The following SYN3 variants were observed in gnomAD, a reference collection of about 807,000 sequenced individuals.
SYN3 encodes the protein synapsin III, also known as synapsin-3.
In SYN3, 35 loss-of-function variants were observed where a neutral mutation model predicts 65.8. That is an observed-to-expected ratio of 0.53 (90% confidence interval 0.41 to 0.70). The LOEUF (loss-of-function observed/expected upper bound fraction) is 0.70. SYN3 is among the 30% of genes least tolerant of loss of function. SYN3 has a pLI of 0.00. For missense variants in SYN3, 680 were observed against 749.0 expected (o/e 0.91, Z 1.08); for synonymous variants, 270 against 292.9 (o/e 0.92, Z 0.80).
chr22:32,780,444 C>T (rs2046013370), intron 6 of SYN3, among the ~76,000 whole-genome samples: 2 of 152,152 alleles, frequency 1.3e-5, no homozygotes, highest in South Asian at 4.1e-4. Flanking sequence ...GCTCTGGTTT[C>T]CTTTTCGCAT....
intron 4 of SYN3, among the ~76,000 whole-genome samples, chr22:32,882,622 A>G (rs1039482314): frequency 6.6e-6 from 1 of 152,236 alleles, no homozygotes; most frequent in Non-Finnish European, 1.5e-5. Context: ...AGATGCAAGT[A>G]GCCTGGCTCC....
intron 2 of SYN3, among the ~76,000 whole-genome samples, chr22:32,997,327 C>T (rs951143846): frequency 1.3e-5 from 2 of 152,188 alleles, no homozygotes; most frequent in Non-Finnish European, 2.9e-5. Context: ...GACACGACCC[C>T]ATCCTCAAAG....
chr22:33,058,251 G>A (rs1411699942), intron 1 of SYN3, 41 bp downstream of exon 1: 1 of 152,104 alleles, frequency 6.6e-6, no homozygotes, highest in Non-Finnish European at 1.5e-5. Flanking sequence ...CCGGCTGTCA[G>A]AAACCCCACA....
intron 6 of SYN3, among the ~76,000 whole-genome samples, chr22:32,746,153 G>A (rs909835531): frequency 3.3e-5 from 5 of 152,178 alleles, no homozygotes; most frequent in South Asian, 2.1e-4. Flanking sequence ...AGGACTGAGC[G>A]GGTTGCAGGA....
At chr22:33,042,718 C>T (rs1162265810) in intron 1 of SYN3, among the ~76,000 whole-genome samples, 2 of 152,262 alleles carry the variant, frequency 1.3e-5, no homozygotes, top group East Asian at 3.9e-4. Flanking sequence ...ATCCGACGAT[C>T]CTGGAGCCCC....
chr22:32,873,471 T>A (rs2048904737), intron 4 of SYN3, among the ~76,000 whole-genome samples: 1 of 152,188 alleles, frequency 6.6e-6, no homozygotes, highest in Non-Finnish European at 1.5e-5. Flanking sequence ...CACCTGCGAC[T>A]GAATGAATGT....
At chr22:32,928,204 C>A (rs1288779896) in intron 4 of SYN3, among the ~76,000 whole-genome samples, 1 of 152,116 alleles carries the variant, frequency 6.6e-6, no homozygotes. Context: ...GTGGTGGGCG[C>A]CTGTAGTCCC....
At chr22:32,621,519 T>C (rs1026436229) in intron 6 of SYN3, among the ~76,000 whole-genome samples, 1 of 152,156 alleles carries the variant, frequency 6.6e-6, no homozygotes, top group Non-Finnish European at 1.5e-5. Context: ...GACTGCTGTT[T>C]ACATGTGCTG....
chr22:32,912,543 C>T (rs1011392474), intron 4 of SYN3, among the ~76,000 whole-genome samples: 1 of 151,860 alleles, frequency 6.6e-6, no homozygotes, highest in Non-Finnish European at 1.5e-5. Context: ...TAGTGAGACC[C>T]CCCCATCTCT....
In SYN3 at chr22:32,710,358, C is replaced by T. The variant is rs146584680; in HGVS notation, c.712-113622G>A. Among the ~76,000 whole-genome samples the T allele has an allele frequency of 6.7e-3, 1,015 of 151,432 alleles. 12 individuals are homozygous for T. The highest frequency in any genetic ancestry group is 0.024 in the African/African-American group (983 of 41,246). Reference sequence around the variant, plus strand: ...GTTGTTTAAAAGTGTGGGCTGGGTGCGGTGGCTCATGCCTGTAATTCCAGC... The same window carrying T: ...GTTGTTTAAAAGTGTGGGCTGGGTGTGGTGGCTCATGCCTGTAATTCCAGC... On this transcript the variant is annotated intron_variant, in intron 6 of 13. Coordinates refer to ENST00000358763, the MANE Select transcript of SYN3 (RefSeq NM_003490.4).
intron 6 of SYN3, among the ~76,000 whole-genome samples, chr22:32,780,378 G>A (rs1193084378): frequency 6.6e-6 from 1 of 152,148 alleles, no homozygotes; most frequent in Non-Finnish European, 1.5e-5. Flanking sequence ...TGGAGACAGA[G>A]CAGCACCTGA....
intron 12 of SYN3, among the ~76,000 whole-genome samples, chr22:32,524,123 CAAA>C (rs566325977): frequency 1.3e-5 from 2 of 152,184 alleles, no homozygotes; most frequent in Non-Finnish European, 2.9e-5. Flanking sequence ...ATCTCCATAA[CAAA>C]AACTGCAAGG....
chr22:33,011,923 C>T (rs2053360714), intron 1 of SYN3, among the ~76,000 whole-genome samples: 1 of 152,044 alleles, frequency 6.6e-6, no homozygotes. Flanking sequence ...TGGTAATTTG[C>T]TTTTTCTCTC....
chr22:32,820,036 G>T (rs544396002), intron 6 of SYN3, among the ~76,000 whole-genome samples: 28 of 152,176 alleles, frequency 1.8e-4, no homozygotes, highest in African/African-American at 5.1e-4. Context: ...TTTTTGGTGT[G>T]GGGGGTGGTG....
intron 6 of SYN3, among the ~76,000 whole-genome samples, chr22:32,603,044 T>TA: frequency 6.6e-6 from 1 of 151,956 alleles, no homozygotes; most frequent in Middle Eastern, 3.4e-3. Flanking sequence ...AGTCAGTTGT[T>TA]AGAGCTCAAG....
At chr22:32,556,335 T>A (rs7287624) in intron 7 of SYN3, among the ~76,000 whole-genome samples, 26,047 of 152,138 alleles carry the variant, frequency 0.17, 2,316 homozygotes, top group African/African-American at 0.2. Flanking sequence ...TGGACACCAT[T>A]ACCCTCATTT....
chr22:32,854,301 T>C (rs2048302868), intron 6 of SYN3, among the ~76,000 whole-genome samples: 1 of 152,184 alleles, frequency 6.6e-6, no homozygotes, highest in Admixed American at 6.5e-5. Context: ...GGAGCTAAAA[T>C]GCAGGTTCCT....
chr22:32,894,839 G>C lies in SYN3; in HGVS notation c.462-25714C>G, dbSNP rs373788967. ...GGAGGCCTGCATAGAATAAAAAGCT[G>C]AGTAAGGGAGAATTCGCTCTCCCTG... On this transcript the variant is annotated intron_variant, in intron 4 of 13. Coordinates refer to ENST00000358763, the MANE Select transcript of SYN3 (RefSeq NM_003490.4). Among the ~76,000 whole-genome samples the C allele has an allele frequency of 5.3e-5, 8 of 152,336 alleles. No individual in the cohort carries two copies. The South Asian group carries it at 1.7e-3, about 32-fold the overall frequency.
At chr22:32,581,191 C>G (rs1416314954) in intron 7 of SYN3, among the ~76,000 whole-genome samples, 1 of 152,184 alleles carries the variant, frequency 6.6e-6, no homozygotes, top group South Asian at 2.1e-4. Flanking sequence ...CTCACTGCAA[C>G]CTCTGCCTCC....
Sources: allele counts gnomAD v4.1 joint callset (sites outside exome capture counted in the v4.1 genomes callset), GRCh38; gene constraint gnomAD v4.1.1; transcripts MANE v1.5; gene names NCBI Gene and HGNC (gene_info 2026-07-23, HGNC 2026-07-21).